RGSL1: variants seen among roughly 807,000 people sequenced by gnomAD.
RGSL1 encodes regulator of G protein signaling protein-like.
RGSL1 carries 97 observed loss-of-function variants against 124.7 expected under a neutral mutation model. The ratio of observed to expected loss-of-function variants is 0.78; its 90% CI spans 0.66 to 0.92. RGSL1 has a LOEUF of 0.92. RGSL1 is among the 40% of genes least tolerant of loss of function. The pLI is 0.00. For synonymous variants in RGSL1, 424 were observed against 438.1 expected (o/e 0.97, Z 0.40); for missense variants, 1,233 against 1,288.4 (o/e 0.96, Z 0.66).
Position 182,474,070 on chromosome 1 carries a change from T to TG in RGSL1, c.961dup (p.Glu321GlyfsTer3). 2 of 1,551,754 alleles carry TG rather than the reference T, an allele frequency of 1.3e-6. No homozygotes were observed. On this transcript the variant is annotated frameshift_variant, in exon 6 of 22. Transcript: ENST00000294854. LOFTEE classifies it high-confidence loss of function. ...ATGCATTATGCAAAAATATCCAGCA[T>TG]GGAGAATAAAGCCAAGAGCCACCTC...
chr1:182,553,679 T>A (rs1371827404), intron 19 of RGSL1, 138 bp downstream of exon 19: 2 of 721,164 alleles, frequency 2.8e-6, no homozygotes, highest in African/African-American at 3.5e-5. Flanking sequence ...GAAGATCACA[T>A]AGCTTGTGAG....
At chr1:182,468,015 A>G (rs1653492153) in intron 4 of RGSL1, among the ~76,000 whole-genome samples, 1 of 152,384 alleles carries the variant, frequency 6.6e-6, no homozygotes, top group South Asian at 2.1e-4. Flanking sequence ...CAACATGAAA[A>G]AATGCTCATC....
At chr1:182,480,537 C>A (rs1423517373) in intron 6 of RGSL1, among the ~76,000 whole-genome samples, 9 of 151,544 alleles carry the variant, frequency 5.9e-5, no homozygotes, top group African/African-American at 2.2e-4. Flanking sequence ...CTCACTGCAA[C>A]TTCTGTCTCC....
intron 19 of RGSL1, 53 bp downstream of exon 19, chr1:182,553,594 C>T (rs1204170116): frequency 4.1e-6 from 6 of 1,478,512 alleles, no homozygotes; most frequent in African/African-American, 1.4e-5. Context: ...CAGAGGGGGA[C>T]TTTAAAACCA....
chr1:182,529,232 G>C (rs913205536), intron 11 of RGSL1, among the ~76,000 whole-genome samples: 9 of 152,104 alleles, frequency 5.9e-5, no homozygotes, highest in African/African-American at 2.2e-4. Flanking sequence ...TATAGGGATA[G>C]GCAGCTCCAC....
chr1:182,541,758 A>G (rs1425985941), intron 15 of RGSL1, among the ~76,000 whole-genome samples: 1 of 152,076 alleles, frequency 6.6e-6, no homozygotes, highest in African/African-American at 2.4e-5. Context: ...TGTCTTTTTG[A>G]TAATAGCGAC....
Position 182,551,080 on chromosome 1 carries a change from A to G in RGSL1, c.2934-20A>G, listed in dbSNP as rs902374831. ...CCACTGGGGGTTCCCTCCTATGACC[A>G]GAAGCCATTCTTCCCACAGGTTTTG... On this transcript the variant is annotated intron_variant, in intron 17 of 21. Coordinates refer to ENST00000294854, the MANE Select transcript of RGSL1 (RefSeq NM_001137669.2). 2.3e-4 allele frequency: 359 copies of G among 1,530,020 alleles called. 1 individual carries two copies. The highest frequency in any genetic ancestry group is 1.5e-3 in the Admixed American group (74 of 50,942). 94.8% of individuals were successfully genotyped at this position (1,530,020 alleles called of 1,614,324 possible).
chr1:182,519,110 A>G (rs1020136690), intron 9 of RGSL1, among the ~76,000 whole-genome samples: 1 of 152,110 alleles, frequency 6.6e-6, no homozygotes, highest in Non-Finnish European at 1.5e-5. Flanking sequence ...CATCCCTGAC[A>G]TATTAAAGTT....
chr1:182,461,134 C>T (rs971911261), intron 4 of RGSL1, among the ~76,000 whole-genome samples: 1 of 150,414 alleles, frequency 6.6e-6, no homozygotes. Context: ...CTTCATTTTT[C>T]TCTTTTTTTT....
At chr1:182,497,991 G>C (rs1443283044) in intron 9 of RGSL1, among the ~76,000 whole-genome samples, 2 of 152,106 alleles carry the variant, frequency 1.3e-5, no homozygotes, top group East Asian at 3.8e-4. Flanking sequence ...CCAGAGCACT[G>C]AGATTATAGG....
At chr1:182,511,786 C>T (rs1657482118) in intron 9 of RGSL1, among the ~76,000 whole-genome samples, 1 of 152,194 alleles carries the variant, frequency 6.6e-6, no homozygotes, top group Non-Finnish European at 1.5e-5. Context: ...TGAAGAATGT[C>T]ATTGGTGTTT....
chr1:182,469,749 C>A (rs952058640), intron 4 of RGSL1, among the ~76,000 whole-genome samples: 1 of 151,980 alleles, frequency 6.6e-6, no homozygotes, highest in Non-Finnish European at 1.5e-5. Context: ...TGGAAACAGT[C>A]CAAGAAACCA....
chr1:182,505,082 T>C (rs1656715010), intron 9 of RGSL1, among the ~76,000 whole-genome samples: 1 of 152,230 alleles, frequency 6.6e-6, no homozygotes, highest in Non-Finnish European at 1.5e-5. Flanking sequence ...CTTTTTGGTC[T>C]GTCAAATGCT....
chr1:182,493,060 A>C lies in RGSL1; in HGVS notation c.1756A>C (p.Asn586His). The C allele has an allele frequency of 6.4e-7, 1 of 1,551,820 alleles. No homozygotes were observed. The highest frequency in any genetic ancestry group is 8.7e-7 in the Non-Finnish European group (1 of 1,146,954). Reference sequence around the variant, plus strand: ...GTCCTTTGAGGAGCTTTGCTACAAGAACCCAAAGATGGCCATACAGAAGAT... The same window carrying C: ...GTCCTTTGAGGAGCTTTGCTACAAGCACCCAAAGATGGCCATACAGAAGAT... ...KMSFEELCYK[N>H]PKMAIQKISD... The change falls in exon 9 of 22, where the codon AAC (asparagine) becomes CAC (histidine). Residue 586 changes from asparagine to histidine, a missense_variant. Transcript: ENST00000294854.
chr1:182,464,727 GAAA>G (rs1053256045), intron 4 of RGSL1, among the ~76,000 whole-genome samples: 15 of 105,920 alleles, frequency 1.4e-4, no homozygotes, highest in Non-Finnish European at 2.5e-4. Context: ...CTGCTCAGAA[GAAA>G]AAAAAAAAAA....
chr1:182,550,195 G>T (rs924769032), intron 17 of RGSL1: 4 of 152,270 alleles, frequency 2.6e-5, no homozygotes, highest in South Asian at 2.1e-4. Context: ...GGAGACTGAG[G>T]TTCAGAGTGG....
At chr1:182,488,073 TGA>T (rs796800593) in intron 6 of RGSL1, among the ~76,000 whole-genome samples, 78 of 152,360 alleles carry the variant, frequency 5.1e-4, no homozygotes, top group African/African-American at 1.8e-3. Flanking sequence ...TGCTCTCCTC[TGA>T]GACTTAGAGA....
At chr1:182,490,767 C>A (rs1161038316) in intron 8 of RGSL1, among the ~76,000 whole-genome samples, 6 of 152,156 alleles carry the variant, frequency 3.9e-5, no homozygotes, top group Non-Finnish European at 7.3e-5. Flanking sequence ...CATATCATTA[C>A]TTCCTCTATC....
At chr1:182,503,612 T>G (rs1656570754) in intron 9 of RGSL1, among the ~76,000 whole-genome samples, 2 of 149,512 alleles carry the variant, frequency 1.3e-5, no homozygotes, top group South Asian at 2.2e-4. Flanking sequence ...GGGTGGGTTG[T>G]GTAGGGTGGT....
Sources: allele counts gnomAD v4.1 joint callset (sites outside exome capture counted in the v4.1 genomes callset), GRCh38; gene constraint gnomAD v4.1.1; transcripts MANE v1.5; gene names NCBI Gene and HGNC (gene_info 2026-07-23, HGNC 2026-07-21).